CDH12: variants seen among roughly 807,000 people sequenced by gnomAD.
CDH12 encodes cadherin 12.
In CDH12, 41 loss-of-function variants were observed where a neutral mutation model predicts 74.1. The ratio of observed to expected loss-of-function variants is 0.55; its 90% CI spans 0.43 to 0.72. The LOEUF (loss-of-function observed/expected upper bound fraction) is 0.72. Among genes scored for constraint, CDH12 ranks in the 30% least tolerant of loss-of-function variants. The probability of loss-of-function intolerance (pLI) is 0.00; values close to 1 mark genes in which losing one functional copy is unlikely to be tolerated. For synonymous variants in CDH12, 399 were observed against 355.0 expected, an observed-to-expected ratio of 1.12 and a Z score of -1.39; for missense variants, 945 against 977.2, an observed-to-expected ratio of 0.97 and a Z score of 0.44.
chr5:21,932,604 A>G (rs990666246), intron 6 of CDH12, among the ~76,000 whole-genome samples: 5 of 152,102 alleles, frequency 3.3e-5, no homozygotes, highest in African/African-American at 7.2e-5. Context: ...AAATAAAAAT[A>G]AAAGAGACTA....
At chr5:22,129,690 T>A (rs1746079387) in intron 4 of CDH12, among the ~76,000 whole-genome samples, 1 of 152,082 alleles carries the variant, frequency 6.6e-6, no homozygotes, top group African/African-American at 2.4e-5. Context: ...GTTTAATCGT[T>A]TTTTTTCATT....
intron 1 of CDH12, among the ~76,000 whole-genome samples, chr5:22,564,914 T>C (rs1263292077): frequency 1.3e-5 from 2 of 152,114 alleles, no homozygotes; most frequent in African/African-American, 4.8e-5. Flanking sequence ...AAATCAGATA[T>C]ACTGATTACC....
At chr5:22,482,632 T>C (rs1746428441) in intron 2 of CDH12, among the ~76,000 whole-genome samples, 1 of 152,212 alleles carries the variant, frequency 6.6e-6, no homozygotes, top group African/African-American at 2.4e-5. Flanking sequence ...TTTAGCATAA[T>C]ATTAAGGTTT....
chr5:22,720,278 T>G (rs544275553), intron 1 of CDH12, among the ~76,000 whole-genome samples: 65 of 152,192 alleles, frequency 4.3e-4, no homozygotes, highest in African/African-American at 1.4e-3. Context: ...TATCCGATGG[T>G]TTTTTAAGGG....
chr5:21,761,740 GATATAGATAGAT>G (rs1744731862), intron 12 of CDH12, among the ~76,000 whole-genome samples: 1 of 90,696 alleles, frequency 1.1e-5, no homozygotes, highest in South Asian at 4.5e-4. Flanking sequence ...TGGATGGATA[GATATAGATAGAT>G]AGATAGATAG....
At chr5:22,699,982 C>T (rs992689151) in intron 1 of CDH12, among the ~76,000 whole-genome samples, 1 of 152,062 alleles carries the variant, frequency 6.6e-6, no homozygotes, top group African/African-American at 2.4e-5. Context: ...TGAGACCAGC[C>T]TGGTCAATAA....
chr5:22,444,753 A>G (rs1244681927), intron 2 of CDH12, among the ~76,000 whole-genome samples: 3 of 152,062 alleles, frequency 2.0e-5, no homozygotes, highest in Non-Finnish European at 4.4e-5. Context: ...ATATGGAGGA[A>G]TATTTCAGAT....
intron 10 of CDH12, among the ~76,000 whole-genome samples, chr5:21,801,435 T>C (rs867538837): frequency 3.9e-5 from 6 of 152,110 alleles, no homozygotes; most frequent in Admixed American, 2.0e-4. Flanking sequence ...AATTCAAGCA[T>C]ACAATAGAAC....
chr5:22,626,217 T>C (rs1200264310), intron 1 of CDH12, among the ~76,000 whole-genome samples: 1 of 152,186 alleles, frequency 6.6e-6, no homozygotes, highest in Non-Finnish European at 1.5e-5. Context: ...GCCCCATTCC[T>C]GCCAGTGCCC....
intron 4 of CDH12, among the ~76,000 whole-genome samples, chr5:22,179,005 A>G (rs1229359032): frequency 6.6e-6 from 1 of 152,250 alleles, no homozygotes; most frequent in Non-Finnish European, 1.5e-5. Context: ...AAGCATATGC[A>G]CTTAAAATGC....
intron 1 of CDH12, among the ~76,000 whole-genome samples, chr5:22,652,810 A>G (rs1028413194): frequency 3.3e-5 from 5 of 152,186 alleles, no homozygotes; most frequent in South Asian, 2.1e-4. Flanking sequence ...AGGGAGTTAG[A>G]TAGTAAAAGA....
At chr5:22,598,661 T>C (rs1455336673) in intron 1 of CDH12, among the ~76,000 whole-genome samples, 2 of 152,244 alleles carry the variant, frequency 1.3e-5, no homozygotes, top group African/African-American at 4.8e-5. Context: ...AGCTTGCTTA[T>C]AATCTACATT....
chr5:22,278,932 C>T (rs965193665), intron 3 of CDH12, among the ~76,000 whole-genome samples: 1 of 152,090 alleles, frequency 6.6e-6, no homozygotes, highest in African/African-American at 2.4e-5. Context: ...AATAAATTCT[C>T]AAGGATATTA....
chr5:22,787,956 G>T (rs1367252391), intron 1 of CDH12, among the ~76,000 whole-genome samples: 2 of 152,240 alleles, frequency 1.3e-5, no homozygotes, highest in African/African-American at 2.4e-5. Context: ...GCTGTATTTT[G>T]TATATTAGAA....
chr5:22,535,517 A>C (rs1275055094), intron 1 of CDH12, among the ~76,000 whole-genome samples: 1 of 152,138 alleles, frequency 6.6e-6, no homozygotes, highest in Non-Finnish European at 1.5e-5. Flanking sequence ...TCTTTATTAT[A>C]ATTTTAAGTG....
At chr5:22,630,328 A>G (rs1738518706) in intron 1 of CDH12, among the ~76,000 whole-genome samples, 1 of 151,996 alleles carries the variant, frequency 6.6e-6, no homozygotes, top group South Asian at 2.1e-4. Context: ...AAAAGGAACA[A>G]AACTGGAGGT....
intron 10 of CDH12, among the ~76,000 whole-genome samples, chr5:21,787,600 T>A (rs1179789963): frequency 6.6e-6 from 1 of 152,142 alleles, no homozygotes; most frequent in Non-Finnish European, 1.5e-5. Context: ...GAACCAAACC[T>A]GCAATATATC....
At chr5:22,539,564 G>A (rs1329275544) in intron 1 of CDH12, among the ~76,000 whole-genome samples, 3 of 152,192 alleles carry the variant, frequency 2.0e-5, no homozygotes, top group Non-Finnish European at 4.4e-5. Flanking sequence ...CAAGGTCTGT[G>A]CTGTCGAGAT....
chr5:21,857,173 A>C (rs1272373819), intron 6 of CDH12, among the ~76,000 whole-genome samples: 1 of 151,870 alleles, frequency 6.6e-6, no homozygotes, highest in South Asian at 2.1e-4. Context: ...ACACTATTAA[A>C]CACTAAATAC....
Sources: allele counts gnomAD v4.1 joint callset (sites outside exome capture counted in the v4.1 genomes callset), GRCh38; gene constraint gnomAD v4.1.1; transcripts MANE v1.5; gene names NCBI Gene and HGNC (gene_info 2026-07-23, HGNC 2026-07-21).